Variants in RGS6 observed in about 807,000 individuals in gnomAD.
RGS6 encodes regulator of G protein signaling 6.
A neutral mutation model predicts 78.5 loss-of-function variants in RGS6; 30 were observed. The ratio of observed to expected loss-of-function variants is 0.38; its 90% CI spans 0.29 to 0.52. The LOEUF is 0.52. RGS6 is among the 20% of genes least tolerant of loss of function. RGS6 has a pLI of 0.85. For missense variants in RGS6, 495 were observed against 609.7 expected (o/e 0.81, Z 1.98); for synonymous variants, 206 against 206.0 (o/e 1.00, Z 0.00).
chr14:72,132,279 CTTT>C (rs529374337), intron 2 of RGS6, among the ~76,000 whole-genome samples: 12 of 137,916 alleles, frequency 8.7e-5, no homozygotes, highest in Admixed American at 1.5e-4. Context: ...TCTTCTTCTT[CTTT>C]TTTTTTTTTT....
At chr14:72,070,531 C>T (rs914278337) in intron 2 of RGS6, among the ~76,000 whole-genome samples, 20 of 152,134 alleles carry the variant, frequency 1.3e-4, no homozygotes, top group Non-Finnish European at 2.5e-4. Context: ...CTTACTGTTC[C>T]TGGTGTTGGT....
At chr14:72,395,967 A>C (rs2091150908) in intron 3 of RGS6, among the ~76,000 whole-genome samples, 1 of 151,994 alleles carries the variant, frequency 6.6e-6, no homozygotes, top group Admixed American at 6.6e-5. Flanking sequence ...AGTCTTTGCT[A>C]TTGTGAATAG....
intron 3 of RGS6, among the ~76,000 whole-genome samples, chr14:72,411,638 T>G (rs2093420654): frequency 6.6e-6 from 1 of 152,238 alleles, no homozygotes; most frequent in Admixed American, 6.5e-5. Context: ...CATCCCTGTC[T>G]TGTGCCAGTT....
At chr14:72,538,028 A>C (rs570672361) in intron 16 of RGS6, among the ~76,000 whole-genome samples, 4 of 152,358 alleles carry the variant, frequency 2.6e-5, no homozygotes, top group Admixed American at 6.5e-5. Flanking sequence ...CAGCTCCCGA[A>C]GTAAGGGATG....
chr14:72,592,844 T>G, the RGS6 span, among the ~76,000 whole-genome samples: 1 of 152,166 alleles, frequency 6.6e-6, no homozygotes, highest in South Asian at 2.1e-4. Flanking sequence ...AAGAAAGATG[T>G]TTCTGCAGCC....
Position 72,454,541 on chromosome 14 carries a change from GCAGTGGCTTATGAAGAAC to G in RGS6, c.200_217del (p.Gln67_Asn72del). On this transcript the variant is annotated inframe_deletion, in exon 4 of 18. Transcript: ENST00000553525. ...TTATCGTTGCAGGTACTGACATTGT[GCAGTGGCTTATGAAGAAC>G]CTTTCCATTGAGGACCCAGGTACTT... 6.2e-7 allele frequency: 1 copy of G among 1,614,072 alleles called. No homozygotes were observed. Among genetic ancestry groups the G allele is most frequent in the Non-Finnish European group, 8.5e-7 (1 of 1,179,996 alleles).
the RGS6 span, among the ~76,000 whole-genome samples, chr14:72,592,056 G>A: frequency 6.6e-6 from 1 of 152,212 alleles, no homozygotes; most frequent in Non-Finnish European, 1.5e-5. Context: ...CAAACACCTG[G>A]GATTTTTTAC....
At chr14:72,162,349 A>C (rs1371367421) in intron 2 of RGS6, among the ~76,000 whole-genome samples, 1 of 152,204 alleles carries the variant, frequency 6.6e-6, no homozygotes, top group East Asian at 1.9e-4. Flanking sequence ...CTGCTGGGCC[A>C]TCTGGAAGGA....
At chr14:72,626,634 C>A in the RGS6 span, among the ~76,000 whole-genome samples, 2 of 152,090 alleles carry the variant, frequency 1.3e-5, no homozygotes, top group African/African-American at 4.8e-5. Context: ...ATGAACAATG[C>A]TACCACAAAT....
At chr14:72,135,257 C>A (rs60637119) in intron 2 of RGS6, among the ~76,000 whole-genome samples, 9,500 of 152,184 alleles carry the variant, frequency 0.062, 355 homozygotes, top group African/African-American at 0.095. Flanking sequence ...GTCTGAAGAA[C>A]TTTATAATGA....
intron 2 of RGS6, among the ~76,000 whole-genome samples, chr14:72,166,316 G>A (rs1346566556): frequency 6.6e-6 from 1 of 151,844 alleles, no homozygotes; most frequent in East Asian, 1.9e-4. Flanking sequence ...CCCATTTTTT[G>A]TTAGATTCAT....
At chr14:72,227,243 A>T (rs759939014) in intron 2 of RGS6, among the ~76,000 whole-genome samples, 1 of 152,192 alleles carries the variant, frequency 6.6e-6, no homozygotes, top group Non-Finnish European at 1.5e-5. Context: ...GAGCACCTTC[A>T]TTCCTTCTTT....
intron 17 of RGS6, among the ~76,000 whole-genome samples, chr14:72,556,508 A>G (rs2097577079): frequency 6.6e-6 from 1 of 152,186 alleles, no homozygotes; most frequent in Non-Finnish European, 1.5e-5. Flanking sequence ...AATACAGGAT[A>G]GAGTAAGGTG....
intron 11 of RGS6, among the ~76,000 whole-genome samples, chr14:72,477,780 G>A (rs1361883014): frequency 5.8e-5 from 8 of 138,980 alleles, no homozygotes; most frequent in Non-Finnish European, 3.0e-5. Flanking sequence ...CTAGGCAACA[G>A]AATGAGACTC....
chr14:72,614,996 TG>T, the RGS6 span, among the ~76,000 whole-genome samples: 1 of 140,912 alleles, frequency 7.1e-6, no homozygotes, highest in African/African-American at 2.6e-5. Flanking sequence ...AAGTCACCAC[TG>T]CTACCAGGAG....
intron 1 of RGS6, among the ~76,000 whole-genome samples, chr14:71,940,564 A>G (rs1414583656): frequency 6.6e-6 from 1 of 152,212 alleles, no homozygotes; most frequent in Non-Finnish European, 1.5e-5. Context: ...CATGAGTCAG[A>G]CTATTCTGAT....
the RGS6 span, among the ~76,000 whole-genome samples, chr14:72,622,007 T>TG: frequency 1.2e-4 from 18 of 152,186 alleles, no homozygotes. Flanking sequence ...GATATGGACT[T>TG]GGGATTCATT....
In RGS6 at chr14:72,465,821, C is replaced by G; in HGVS notation, c.458C>G (p.Ala153Gly). The change falls in exon 7 of 18, where the codon GCA (alanine) becomes GGA (glycine). Residue 153 changes from alanine (A) to glycine (G), a missense_variant and splice_region_variant. Ala to Gly is a moderately conservative substitution (Grantham distance 60). Transcript: ENST00000553525. ...AGGCTGGAACTGGCAGATTATGAAG[C>G]AGTAAGTATGATTATTTTCCAGGAT... The part of the protein sequence containing the change: ...KARLELADYE[A>G]ENLARLQRAF... The G allele has an allele frequency of 6.2e-7, 1 of 1,610,152 alleles. No individual in the cohort carries two copies. The highest frequency in any genetic ancestry group is 8.5e-7 in the Non-Finnish European group (1 of 1,176,504).
the RGS6 span, among the ~76,000 whole-genome samples, chr14:71,875,643 C>A: frequency 5.4e-4 from 82 of 152,238 alleles, no homozygotes; most frequent in African/African-American, 1.9e-3. Context: ...TCTCTATCTC[C>A]TTCAGTTCTG....
Sources: gnomAD v4.1 joint callset for allele counts (sites outside exome capture counted in the v4.1 genomes callset) on GRCh38, gnomAD v4.1.1 for gene constraint, MANE v1.5 for transcripts, NCBI Gene and HGNC (gene_info 2026-07-23, HGNC 2026-07-21) for gene names.